Variants in STAC observed in about 807,000 individuals in gnomAD.
The protein encoded by STAC is SH3 and cysteine-rich domain-containing protein.
In STAC, 43 loss-of-function variants were observed where a neutral mutation model predicts 48.8. The ratio of observed to expected loss-of-function variants is 0.88; its 90% CI spans 0.69 to 1.14. STAC has a LOEUF of 1.14. Ranked by LOEUF, STAC falls within the 50% of genes most tolerant of loss-of-function variation. STAC has a pLI of 0.00. For synonymous variants in STAC, 193 were observed against 179.5 expected, an observed-to-expected ratio of 1.07 and a Z score of -0.60; for missense variants, 497 against 504.0, an observed-to-expected ratio of 0.99 and a Z score of 0.13.
At chr3:36,543,641 T>C (rs1699379665) in intron 10 of STAC, among the ~76,000 whole-genome samples, 1 of 152,206 alleles carries the variant, frequency 6.6e-6, no homozygotes, top group African/African-American at 2.4e-5. Context: ...TATAGGCACA[T>C]ATTTGAACCT....
chr3:36,441,050 T>C (rs1028911911), intron 1 of STAC, among the ~76,000 whole-genome samples: 1 of 152,232 alleles, frequency 6.6e-6, no homozygotes, highest in Non-Finnish European at 1.5e-5. Flanking sequence ...TCAGGGTAAT[T>C]AGCATATCCA....
chr3:36,531,609 C>A (rs1014586690), intron 10 of STAC, among the ~76,000 whole-genome samples: 2 of 152,152 alleles, frequency 1.3e-5, no homozygotes, highest in African/African-American at 4.8e-5. Context: ...CCCACCTTAC[C>A]ACCACCACCA....
intron 1 of STAC, among the ~76,000 whole-genome samples, chr3:36,395,773 A>G (rs1699845170): frequency 6.6e-6 from 1 of 152,164 alleles, no homozygotes; most frequent in Admixed American, 6.5e-5. Context: ...TGGTCCATGT[A>G]GGTTATCAGT....
At chr3:36,507,452 C>A (rs180844028) in intron 8 of STAC, among the ~76,000 whole-genome samples, 78 of 152,228 alleles carry the variant, frequency 5.1e-4, no homozygotes, top group African/African-American at 1.9e-3. Flanking sequence ...AGGGAGGAGT[C>A]CCTCTTTTTC....
intron 1 of STAC, among the ~76,000 whole-genome samples, chr3:36,398,690 A>AAAAGAAAG (rs550062269): frequency 1.8e-4 from 26 of 140,890 alleles, no homozygotes; most frequent in African/African-American, 6.4e-4. Flanking sequence ...AGAAAGAAAG[A>AAAAGAAAG]AAAGAAAGAA....
chr3:36,416,839 G>A (rs554791729), intron 1 of STAC, among the ~76,000 whole-genome samples: 2 of 152,302 alleles, frequency 1.3e-5, no homozygotes, highest in South Asian at 4.1e-4. Context: ...AAGCCATTGA[G>A]CATGTCCCTT....
At chr3:36,493,695 C>T (rs1378809611) in intron 6 of STAC, among the ~76,000 whole-genome samples, 1 of 151,948 alleles carries the variant, frequency 6.6e-6, no homozygotes, top group Non-Finnish European at 1.5e-5. Context: ...TGGCTCCTTC[C>T]CCAGCAGAGA....
chr3:36,475,664 A>G (rs774034866), intron 2 of STAC, among the ~76,000 whole-genome samples: 1 of 152,212 alleles, frequency 6.6e-6, no homozygotes, highest in African/African-American at 2.4e-5. Flanking sequence ...TCATTCTATA[A>G]GGAGGAGGCA....
chr3:36,522,454 G>A (rs1698829812), intron 8 of STAC, among the ~76,000 whole-genome samples: 1 of 152,158 alleles, frequency 6.6e-6, no homozygotes, highest in Non-Finnish European at 1.5e-5. Flanking sequence ...TGGGGTAAGT[G>A]CTATTATCCT....
intron 8 of STAC, among the ~76,000 whole-genome samples, chr3:36,519,792 C>T (rs1298232751): frequency 6.6e-6 from 1 of 152,138 alleles, no homozygotes; most frequent in Non-Finnish European, 1.5e-5. Context: ...CAGTAAGATG[C>T]TCCACCTTGT....
At chr3:36,523,898 C>G (rs1397982073) in intron 8 of STAC, among the ~76,000 whole-genome samples, 2 of 152,126 alleles carry the variant, frequency 1.3e-5, no homozygotes, top group African/African-American at 4.8e-5. Flanking sequence ...GAGAAGATAA[C>G]TAAATTAAGA....
chr3:36,399,473 CT>C (rs1699957249), intron 1 of STAC, among the ~76,000 whole-genome samples: 1 of 152,234 alleles, frequency 6.6e-6, no homozygotes, highest in Non-Finnish European at 1.5e-5. Flanking sequence ...TAGCACGACA[CT>C]GAGTAACATA....
At position 36,411,509 on chromosome 3, in the gene STAC, T is replaced by C. The variant is rs1001468614; in HGVS notation, c.111+30755T>C. Among the ~76,000 whole-genome samples the C allele has an allele frequency of 5.1e-4, 78 of 152,180 alleles. 1 individual carries two copies. Among genetic ancestry groups the C allele is most frequent in the Admixed American group, 5.0e-3 (76 of 15,286 alleles). ...TCTCAGCTTGAGAAAATGACCAGGA[T>C]CAAAGAGTGCTGGTGGGAGAAGTTC... is the stretch of plus-strand genomic sequence containing the variant. On this transcript the variant is annotated intron_variant, in intron 1 of 10. Transcript: ENST00000273183.
At chr3:36,526,315 T>C (rs1698935313) in intron 8 of STAC, among the ~76,000 whole-genome samples, 1 of 152,182 alleles carries the variant, frequency 6.6e-6, no homozygotes, top group South Asian at 2.1e-4. Context: ...CAGAGGTGGA[T>C]GGAGCCTGTT....
At chr3:36,542,218 C>G (rs1699345759) in intron 10 of STAC, among the ~76,000 whole-genome samples, 1 of 152,194 alleles carries the variant, frequency 6.6e-6, no homozygotes, top group Non-Finnish European at 1.5e-5. Context: ...TCCCATGCTG[C>G]AGAGCCCTGA....
At chr3:36,487,518 G>T (rs891304019) in intron 5 of STAC, among the ~76,000 whole-genome samples, 2 of 152,150 alleles carry the variant, frequency 1.3e-5, no homozygotes, top group African/African-American at 4.8e-5. Context: ...TGAATGAAGG[G>T]CCTACAGTTT....
intron 10 of STAC, among the ~76,000 whole-genome samples, chr3:36,541,680 G>A (rs897472491): frequency 6.6e-6 from 1 of 152,182 alleles, no homozygotes; most frequent in Non-Finnish European, 1.5e-5. Flanking sequence ...AATTGAGTAA[G>A]GCATTCGAAT....
In STAC at chr3:36,380,683, G is replaced by T. The variant is rs1294345012; in HGVS notation, c.40G>T (p.Gly14Trp). The change falls in exon 1 of 11, where the codon GGG (glycine) becomes TGG (tryptophan). Residue 14 changes from glycine to tryptophan, a missense_variant. Physicochemically the swap from Gly to Trp is radical, Grantham distance 184 (BLOSUM62 -2). Coordinates refer to ENST00000273183, the MANE Select transcript of STAC (RefSeq NM_003149.3). ...PSSPREDGVDGLPKEAVGAEQ... is the reference protein window; with the variant it reads ...PSSPREDGVDWLPKEAVGAEQ... Reference sequence around the variant, plus strand: ...CAGCCCCCGCGAGGACGGCGTGGACGGGCTGCCCAAGGAGGCGGTGGGCGC... The same window carrying T: ...CAGCCCCCGCGAGGACGGCGTGGACTGGCTGCCCAAGGAGGCGGTGGGCGC... 2.5e-6 allele frequency: 4 copies of T among 1,609,018 alleles called. No individual in the cohort carries two copies. The highest frequency in any genetic ancestry group is 2.5e-6 in the Non-Finnish European group (3 of 1,178,148).
At chr3:36,406,182 C>A (rs552839651) in intron 1 of STAC, among the ~76,000 whole-genome samples, 37 of 152,192 alleles carry the variant, frequency 2.4e-4, no homozygotes, top group Non-Finnish European at 4.9e-4. Context: ...GGTTAAATGG[C>A]CTGCTTAGGT....
Sources: allele counts gnomAD v4.1 joint callset (sites outside exome capture counted in the v4.1 genomes callset), GRCh38; gene constraint gnomAD v4.1.1; transcripts MANE v1.5; gene names NCBI Gene and HGNC (gene_info 2026-07-23, HGNC 2026-07-21).